SRGAP1: variants seen among roughly 807,000 people sequenced by gnomAD.
SRGAP1 encodes the protein SLIT-ROBO Rho GTPase activating protein 1.
Under a neutral mutation model 121.9 loss-of-function variants are expected in SRGAP1, and 43 were observed. That is an observed-to-expected ratio of 0.35 (90% CI 0.28 to 0.46). SRGAP1 has a LOEUF of 0.46. Among genes scored for constraint, SRGAP1 ranks in the 20% least tolerant of loss-of-function variants. The pLI, the probability that SRGAP1 is intolerant of heterozygous loss-of-function variation, is 1.00. For missense variants in SRGAP1, 1,102 were observed against 1,350.9 expected, an observed-to-expected ratio of 0.82 and a Z score of 2.89; for synonymous variants, 447 against 485.4, an observed-to-expected ratio of 0.92 and a Z score of 1.04.
chr12:64,098,270 G>C (rs931535977), intron 15 of SRGAP1, among the ~76,000 whole-genome samples: 4 of 151,408 alleles, frequency 2.6e-5, no homozygotes, highest in African/African-American at 9.7e-5. Flanking sequence ...GGGATAGTTA[G>C]AGTGTCTTAA....
chr12:64,051,408 A>G (rs1038687440), intron 6 of SRGAP1, among the ~76,000 whole-genome samples: 2 of 152,180 alleles, frequency 1.3e-5, no homozygotes, highest in African/African-American at 2.4e-5. Flanking sequence ...AAATCTACTA[A>G]TTTGGAACTC....
Position 64,161,548 on chromosome 12 carries a change from C to T in SRGAP1, c.*18876C>T, listed in dbSNP as rs2037209227. The T allele has an allele frequency of 6.6e-6, 1 of 151,982 alleles. No individual in the cohort carries two copies. Among genetic ancestry groups the T allele is most frequent in the South Asian group, 2.1e-4 (1 of 4,822 alleles). The allele number at this position is 151,982 out of a possible 1,614,324, so 9.4% of individuals were successfully genotyped here. A position where few individuals can be genotyped will look rare whatever the true frequency, so the allele number is the denominator to read the frequency against. ...AGAATCCTGTCCTTATTTGACAGGTCCTATATATTTTTTTATTTTGAGATT... is the reference window on the plus strand; with the variant it reads ...AGAATCCTGTCCTTATTTGACAGGTTCTATATATTTTTTTATTTTGAGATT... On this transcript the variant is annotated 3_prime_UTR_variant, in exon 22 of 22. Transcript: ENST00000355086.
At chr12:63,999,503 G>A (rs187705546) in intron 3 of SRGAP1, among the ~76,000 whole-genome samples, 3 of 152,198 alleles carry the variant, frequency 2.0e-5, no homozygotes, top group African/African-American at 7.2e-5. Flanking sequence ...AGGTGGATTC[G>A]AGTGGTGTGT....
intron 4 of SRGAP1, among the ~76,000 whole-genome samples, chr12:64,027,398 G>T (rs990613245): frequency 6.6e-6 from 1 of 151,990 alleles, no homozygotes; most frequent in African/African-American, 2.4e-5. Flanking sequence ...CCAAAGAGAG[G>T]GGTCCATGTT....
At chr12:63,939,102 C>T (rs1204870556) in intron 1 of SRGAP1, among the ~76,000 whole-genome samples, 1 of 150,328 alleles carries the variant, frequency 6.7e-6, no homozygotes, top group Non-Finnish European at 1.5e-5. Flanking sequence ...CTGCAGTGAG[C>T]TGTGATCACA....
intron 21 of SRGAP1, among the ~76,000 whole-genome samples, chr12:64,138,330 A>T (rs1565697698): frequency 6.6e-6 from 1 of 151,202 alleles, no homozygotes; most frequent in Admixed American, 6.6e-5. Flanking sequence ...CATAATTTAA[A>T]TTTTTTTGTA....
chr12:64,156,353 A>ATGT lies in SRGAP1; in HGVS notation c.*13683_*13685dup, dbSNP rs2037164429. 1 of 152,242 alleles carries ATGT rather than the reference A, an allele frequency of 6.6e-6. No individual in the cohort carries two copies. Among genetic ancestry groups the ATGT allele is most frequent in the African/African-American group, 2.4e-5 (1 of 41,462 alleles). The allele number at this position is 152,242 out of a possible 1,614,324, so 9.4% of individuals were successfully genotyped here. ...ATGAATATTTTTAATAAATTTGTAG[A>ATGT]TGTTAATATGATTTACTTATTTGCA... On this transcript the variant is annotated 3_prime_UTR_variant, in exon 22 of 22. Transcript: ENST00000355086.
intron 6 of SRGAP1, among the ~76,000 whole-genome samples, chr12:64,050,913 G>A (rs1301721331): frequency 3.9e-5 from 6 of 151,980 alleles, no homozygotes; most frequent in African/African-American, 7.2e-5. Context: ...TAGTAGAGAC[G>A]GGGTTTCACC....
chr12:63,981,719 A>G (rs1200059219), intron 1 of SRGAP1, among the ~76,000 whole-genome samples: 7 of 152,194 alleles, frequency 4.6e-5, no homozygotes, highest in South Asian at 2.1e-4. Context: ...AAATCCTGCA[A>G]TCTAGAGGTG....
At chr12:63,884,642 CG>C (rs1295519945) in intron 1 of SRGAP1, among the ~76,000 whole-genome samples, 1 of 151,952 alleles carries the variant, frequency 6.6e-6, no homozygotes, top group Non-Finnish European at 1.5e-5. Context: ...ATTTATTCCC[CG>C]TACCTAATTG....
chr12:64,043,092 C>T (rs144433010), intron 5 of SRGAP1, 120 bp downstream of exon 5: 75 of 723,620 alleles, frequency 1.0e-4, no homozygotes, highest in East Asian at 7.5e-4. Flanking sequence ...GCATTTCCTC[C>T]CATGGGAATG....
intron 4 of SRGAP1, among the ~76,000 whole-genome samples, chr12:64,017,593 TGTG>T (rs1173713741): frequency 6.6e-6 from 1 of 151,206 alleles, no homozygotes; most frequent in Non-Finnish European, 1.5e-5. Flanking sequence ...AGGCAGAGGT[TGTG>T]GTGAGCCAAG....
At chr12:64,044,867 A>T (rs1331771063) in intron 6 of SRGAP1, among the ~76,000 whole-genome samples, 1 of 151,614 alleles carries the variant, frequency 6.6e-6, no homozygotes, top group Non-Finnish European at 1.5e-5. Flanking sequence ...TTTAGTAGAG[A>T]TGGGCTTTCA....
intron 3 of SRGAP1, among the ~76,000 whole-genome samples, chr12:64,001,922 C>T (rs1225016319): frequency 6.6e-6 from 1 of 152,198 alleles, no homozygotes; most frequent in Non-Finnish European, 1.5e-5. Flanking sequence ...GCCTTTCCCA[C>T]TGAAGGCATT....
At chr12:64,080,198 G>C in intron 9 of SRGAP1, 88 bp from the exon 10 acceptor site, 1 of 1,057,492 alleles carries the variant, frequency 9.5e-7, no homozygotes, top group East Asian at 2.7e-5. Flanking sequence ...AGCCAAGATC[G>C]CGCCACTGCA....
chr12:64,080,293 G>C lies in SRGAP1; in HGVS notation c.1331G>C (p.Arg444Thr). The C allele has an allele frequency of 6.2e-7, 1 of 1,606,578 alleles. No individual in the cohort carries two copies. The highest frequency in any genetic ancestry group is 8.5e-7 in the Non-Finnish European group (1 of 1,177,604). ...ETEQFYFMKLREYLEGSNLIT... is the reference protein window; with the variant it reads ...ETEQFYFMKLTEYLEGSNLIT... ...TATTCTTGCCTTTTGCAGAAACTCA[G>C]AGAATATTTGGAAGGCAGTAATCTC... Residue 444 changes from arginine to threonine, a missense_variant, in exon 10 of 22, where the codon AGA becomes ACA. By Grantham distance (71) the Arg-to-Thr change is moderately conservative. Transcript: ENST00000355086.
chr12:63,880,235 TC>T (rs759701786), intron 1 of SRGAP1, among the ~76,000 whole-genome samples: 23 of 152,046 alleles, frequency 1.5e-4, no homozygotes, highest in Non-Finnish European at 2.8e-4. Flanking sequence ...CCGTTAAACC[TC>T]TTTTTCTTTT....
chr12:63,940,265 G>C (rs899080151), intron 1 of SRGAP1, among the ~76,000 whole-genome samples: 2 of 151,758 alleles, frequency 1.3e-5, no homozygotes, highest in East Asian at 3.9e-4. Context: ...CCTGGCCTCT[G>C]TCTCCCATTT....
chr12:63,865,776 C>T (rs1376756466), intron 1 of SRGAP1, among the ~76,000 whole-genome samples: 3 of 152,166 alleles, frequency 2.0e-5, no homozygotes, highest in Non-Finnish European at 4.4e-5. Context: ...CGGTGCATCT[C>T]ATCCATTTGC....
Sources: gnomAD v4.1 joint callset for allele counts (sites outside exome capture counted in the v4.1 genomes callset) on GRCh38, gnomAD v4.1.1 for gene constraint, MANE v1.5 for transcripts, NCBI Gene and HGNC (gene_info 2026-07-23, HGNC 2026-07-21) for gene names.